The following ASPH variants were observed in gnomAD, a reference collection of about 807,000 sequenced individuals.
ASPH encodes the protein aspartate beta-hydroxylase, also known as aspartyl/asparaginyl beta-hydroxylase.
A neutral mutation model predicts 118.4 loss-of-function variants in ASPH; 100 were observed. That is an observed-to-expected ratio of 0.84 (90% CI 0.72 to 1.00). ASPH has a LOEUF of 1.00. Among genes scored for constraint, ASPH ranks in the 50% least tolerant of loss-of-function variants. The pLI, the probability that ASPH is intolerant of heterozygous loss-of-function variation, is 0.00. For missense variants in ASPH, 920 were observed against 919.5 expected (o/e 1.00, Z -0.01); for synonymous variants, 315 against 325.6 (o/e 0.97, Z 0.35).
chr8:61,621,039 G>A (rs1850726974), intron 13 of ASPH, among the ~76,000 whole-genome samples: 1 of 152,226 alleles, frequency 6.6e-6, no homozygotes, highest in South Asian at 2.1e-4. Flanking sequence ...TGGAGGGTGA[G>A]TGTGGTTGGA....
At chr8:61,557,432 C>T (rs565527164) in intron 18 of ASPH, among the ~76,000 whole-genome samples, 1 of 152,232 alleles carries the variant, frequency 6.6e-6, no homozygotes, top group East Asian at 1.9e-4. Context: ...CACAGTATCC[C>T]TCTGGCTCAG....
At chr8:61,682,643 A>T (rs1440393621) in intron 2 of ASPH, among the ~76,000 whole-genome samples, 1 of 152,126 alleles carries the variant, frequency 6.6e-6, no homozygotes, top group African/African-American at 2.4e-5. Flanking sequence ...ATTCTCCCTC[A>T]GTTGGTCTGT....
intron 3 of ASPH, among the ~76,000 whole-genome samples, chr8:61,674,133 G>A (rs1824045959): frequency 6.6e-6 from 1 of 152,158 alleles, no homozygotes; most frequent in South Asian, 2.1e-4. Context: ...ATCTTCTAGT[G>A]TTAGTAGTAA....
In ASPH at chr8:61,503,421, T is replaced by C. The variant is rs766051230; in HGVS notation, c.2215A>G (p.Ile739Val). The change falls in exon 25 of 25, where the codon ATC (isoleucine) becomes GTC (valine). Residue 739 changes from isoleucine (I) to valine (V), a missense_variant. Physicochemically the swap from Ile to Val is conservative, Grantham distance 29. Transcript: ENST00000379454. ...QDASSFRLIF[I>V]VDVWHPELTP... Reference sequence around the variant, plus strand: ...AGTTCCGGATGCCACACATCCACGATGAATATCAGCCGGAAAGATGAGGCA... The same window carrying C: ...AGTTCCGGATGCCACACATCCACGACGAATATCAGCCGGAAAGATGAGGCA... The C allele has an allele frequency of 1.2e-6, 2 of 1,613,266 alleles. No homozygotes were observed. Among genetic ancestry groups the C allele is most frequent in the Non-Finnish European group, 1.7e-6 (2 of 1,179,734 alleles).
intron 14 of ASPH, among the ~76,000 whole-genome samples, chr8:61,610,601 C>A (rs1847009893): frequency 6.6e-6 from 1 of 152,196 alleles, no homozygotes; most frequent in Non-Finnish European, 1.5e-5. Flanking sequence ...GAGCAGTTAT[C>A]TCATAATCTC....
intron 10 of ASPH, among the ~76,000 whole-genome samples, chr8:61,642,070 T>C (rs957334363): frequency 1.3e-5 from 2 of 152,224 alleles, no homozygotes; most frequent in Admixed American, 6.5e-5. Flanking sequence ...CAATAGTCTA[T>C]GCAATGCTTG....
chr8:61,614,570 C>T (rs776713538), intron 14 of ASPH, among the ~76,000 whole-genome samples: 22 of 152,266 alleles, frequency 1.4e-4, no homozygotes, highest in Middle Eastern at 3.4e-3. Flanking sequence ...ACTGCAGCAT[C>T]GATCCTCCTA....
intron 18 of ASPH, among the ~76,000 whole-genome samples, chr8:61,560,612 A>G (rs1048771022): frequency 1.3e-5 from 2 of 152,190 alleles, no homozygotes; most frequent in African/African-American, 4.8e-5. Context: ...GCTTTAAAAA[A>G]AAAACTCATT....
At chr8:61,702,304 T>A (rs1447624154) in intron 1 of ASPH, among the ~76,000 whole-genome samples, 5 of 143,148 alleles carry the variant, frequency 3.5e-5, no homozygotes, top group African/African-American at 1.3e-4. Context: ...TTTTTTTTTT[T>A]GACAGAGTCT....
chr8:61,702,929 A>G (rs1201188807), intron 1 of ASPH, among the ~76,000 whole-genome samples: 2 of 152,174 alleles, frequency 1.3e-5, no homozygotes, highest in Admixed American at 1.3e-4. Flanking sequence ...GTAAGAGGAG[A>G]AGGAGAAGCA....
At chr8:61,670,836 G>A (rs1022979255) in intron 3 of ASPH, among the ~76,000 whole-genome samples, 16 of 151,782 alleles carry the variant, frequency 1.1e-4, no homozygotes, top group African/African-American at 3.9e-4. Context: ...GTAAAGGGAA[G>A]AGAGAAGAAA....
chr8:61,599,073 G>GC (rs914397150), intron 14 of ASPH, among the ~76,000 whole-genome samples: 2 of 151,978 alleles, frequency 1.3e-5, no homozygotes, highest in African/African-American at 4.8e-5. Flanking sequence ...CTAATGACAT[G>GC]CCTCAAAGAA....
At chr8:61,667,415 G>A (rs1166285706) in intron 3 of ASPH, among the ~76,000 whole-genome samples, 4 of 152,094 alleles carry the variant, frequency 2.6e-5, no homozygotes, top group Non-Finnish European at 4.4e-5. Flanking sequence ...TGCCCAGGCT[G>A]GAGTGCAATG....
At chr8:61,527,173 T>C (rs575156925) in intron 21 of ASPH, among the ~76,000 whole-genome samples, 1 of 152,314 alleles carries the variant, frequency 6.6e-6, no homozygotes, top group East Asian at 1.9e-4. Context: ...AAAAAACAGA[T>C]TTTTATGGAA....
chr8:61,547,161 C>A (rs1036992752), intron 21 of ASPH, among the ~76,000 whole-genome samples: 2 of 152,100 alleles, frequency 1.3e-5, no homozygotes, highest in Non-Finnish European at 2.9e-5. Flanking sequence ...AGGGGGCTTA[C>A]CAAAGCAAAA....
chr8:61,713,675 C>T (rs1023029721), intron 1 of ASPH, among the ~76,000 whole-genome samples: 3 of 152,166 alleles, frequency 2.0e-5, no homozygotes, highest in Non-Finnish European at 4.4e-5. Context: ...TACAGACGCT[C>T]GTTCAGTATT....
At chr8:61,636,442 C>G (rs893084657) in intron 12 of ASPH, among the ~76,000 whole-genome samples, 1 of 152,082 alleles carries the variant, frequency 6.6e-6, no homozygotes, top group South Asian at 2.1e-4. Flanking sequence ...TATATTGATA[C>G]AACCGGCCAA....
At chr8:61,651,402 G>A (rs1037492074) in intron 4 of ASPH, 2 of 300,918 alleles carry the variant, frequency 6.6e-6, no homozygotes, top group Non-Finnish European at 6.0e-6. Context: ...TTAAAAAAGA[G>A]CCTTATTAAA....
chr8:61,527,686 C>T (rs567558657), intron 21 of ASPH, among the ~76,000 whole-genome samples: 5 of 152,058 alleles, frequency 3.3e-5, no homozygotes, highest in African/African-American at 7.2e-5. Context: ...GGAAGGGTGG[C>T]GGGGGGAAGG....
Sources: allele counts gnomAD v4.1 joint callset (sites outside exome capture counted in the v4.1 genomes callset), GRCh38; gene constraint gnomAD v4.1.1; transcripts MANE v1.5; gene names NCBI Gene and HGNC (gene_info 2026-07-23, HGNC 2026-07-21).